Variants in CLSTN2 observed in about 807,000 individuals in gnomAD.
CLSTN2 encodes calsyntenin 2.
CLSTN2 carries 48 observed loss-of-function variants against 101.2 expected under a neutral mutation model. That is an observed-to-expected ratio of 0.47 (90% CI 0.38 to 0.60). The LOEUF (loss-of-function observed/expected upper bound fraction) is 0.60. CLSTN2 is among the 20% of genes least tolerant of loss of function. CLSTN2 has a pLI of 0.00. For missense variants in CLSTN2, 1,160 were observed against 1,238.2 expected (o/e 0.94, Z 0.95); for synonymous variants, 481 against 463.6 (o/e 1.04, Z -0.48).
intron 2 of CLSTN2, among the ~76,000 whole-genome samples, chr3:140,230,902 C>T (rs2086365793): frequency 6.6e-6 from 1 of 152,144 alleles, no homozygotes; most frequent in South Asian, 2.1e-4. Flanking sequence ...TCTTGGATAA[C>T]ACTGTAAGGG....
In CLSTN2 at chr3:140,558,816, C is replaced by T; in HGVS notation, c.2000C>T (p.Thr667Ile). 1 of 1,614,008 alleles carries T rather than the reference C, an allele frequency of 6.2e-7. No individual in the cohort carries two copies. The highest frequency in any genetic ancestry group is 8.5e-7 in the Non-Finnish European group (1 of 1,180,018). The change falls in exon 12 of 17, where the codon ACC (threonine) becomes ATC (isoleucine). Residue 667 changes from threonine to isoleucine, a missense_variant. By Grantham distance (89) the Thr-to-Ile change is moderately conservative. Coordinates refer to ENST00000458420, the MANE Select transcript of CLSTN2 (RefSeq NM_022131.3). ...TTCCCTGATATCAAGATTGTGAGCA[C>T]CTTCGCCAAAACCGAAGCCCCCGGG... ...TLFPDIKIVSTFAKTEAPGDV... is the reference protein window; with the variant it reads ...TLFPDIKIVSIFAKTEAPGDV...
chr3:139,953,171 G>A (rs1187628237), intron 1 of CLSTN2, among the ~76,000 whole-genome samples: 1 of 152,076 alleles, frequency 6.6e-6, no homozygotes, highest in Non-Finnish European at 1.5e-5. Flanking sequence ...CCTTTCATCA[G>A]GCTCAATAAG....
Position 140,134,354 on chromosome 3 carries a change from C to T in CLSTN2, c.110-41597C>T, listed in dbSNP as rs531182596. ...GCTGCCAGAGTCTGTCTATCCCTTG[C>T]TTGTCTGATTCTCTGCTCTCCAGGT... is the stretch of plus-strand genomic sequence containing the variant. On this transcript the variant is annotated intron_variant, in intron 1 of 16. Coordinates refer to ENST00000458420, the MANE Select transcript of CLSTN2 (RefSeq NM_022131.3). Among the ~76,000 whole-genome samples, 3 of 152,284 alleles carry T rather than the reference C, an allele frequency of 2.0e-5. No individual in the cohort carries two copies. In the South Asian group the frequency reaches 6.2e-4, roughly 32 times the overall value.
chr3:140,443,339 C>T (rs777542539), intron 5 of CLSTN2, among the ~76,000 whole-genome samples: 5 of 152,232 alleles, frequency 3.3e-5, no homozygotes, highest in South Asian at 4.1e-4. Context: ...ATTACAACAG[C>T]GCCAAAGCCT....
chr3:139,936,862 A>G (rs923804768), intron 1 of CLSTN2, among the ~76,000 whole-genome samples: 2 of 151,292 alleles, frequency 1.3e-5, no homozygotes, highest in African/African-American at 4.9e-5. Flanking sequence ...TCTTTTCAGC[A>G]TTTTTTTTCT....
At chr3:139,999,249 GCTCCCTCC>G (rs769208093) in intron 1 of CLSTN2, among the ~76,000 whole-genome samples, 1 of 152,128 alleles carries the variant, frequency 6.6e-6, no homozygotes, top group Admixed American at 6.6e-5. Context: ...GTGTGATGTT[GCTCCCTCC>G]CTCCCTCCCT....
At chr3:140,351,747 G>T (rs973766154) in intron 2 of CLSTN2, among the ~76,000 whole-genome samples, 3 of 152,038 alleles carry the variant, frequency 2.0e-5, no homozygotes, top group Non-Finnish European at 4.4e-5. Context: ...TAGCCTTAAA[G>T]GGTCATATAA....
intron 2 of CLSTN2, among the ~76,000 whole-genome samples, chr3:140,222,808 T>C (rs1049995687): frequency 1.3e-5 from 2 of 151,536 alleles, no homozygotes; most frequent in East Asian, 3.9e-4. Flanking sequence ...TATCAAAATA[T>C]GTCATGTGAC....
intron 1 of CLSTN2, among the ~76,000 whole-genome samples, chr3:140,148,228 G>T (rs1292997113): frequency 2.6e-5 from 4 of 152,114 alleles, no homozygotes; most frequent in African/African-American, 9.7e-5. Flanking sequence ...TGGAGGCTGG[G>T]TGAGGAAGGT....
chr3:140,154,323 T>G (rs571936528), intron 1 of CLSTN2, among the ~76,000 whole-genome samples: 25 of 152,006 alleles, frequency 1.6e-4, no homozygotes, highest in African/African-American at 5.5e-4. Context: ...GGCCTGAGCT[T>G]GGTGAATTTG....
chr3:140,360,547 T>A (rs1221980063), intron 2 of CLSTN2, among the ~76,000 whole-genome samples: 1 of 152,112 alleles, frequency 6.6e-6, no homozygotes, highest in Non-Finnish European at 1.5e-5. Context: ...CACTAAGTAA[T>A]GAGAACGTGC....
chr3:140,376,120 T>C (rs1179663801), intron 2 of CLSTN2, among the ~76,000 whole-genome samples: 1 of 152,242 alleles, frequency 6.6e-6, no homozygotes, highest in Non-Finnish European at 1.5e-5. Context: ...TGAGGTCTGC[T>C]TTTCCAAGCC....
chr3:140,562,956 G>C lies in CLSTN2; in HGVS notation c.2358G>C (p.Glu786Asp). ...ACACTAGCAATGAGTTCAACTTGGA[G>C]GTGAGTGGGTCCTGCCATTGTTAGG... is the stretch of plus-strand genomic sequence containing the variant. ...GRYTSNEFNL[E>D]VSILHEDQVS... The change falls in exon 14 of 17, where the codon GAG becomes GAC. Residue 786 changes from glutamate (E) to aspartate (D), a missense_variant and splice_region_variant. Glu to Asp is a conservative substitution (Grantham distance 45). Transcript: ENST00000458420. 1 of 1,614,064 alleles carries C rather than the reference G, an allele frequency of 6.2e-7. No homozygotes were observed. Among genetic ancestry groups the C allele is most frequent in the African/African-American group, 1.3e-5 (1 of 75,036 alleles).
At chr3:139,937,636 C>T (rs984771021) in intron 1 of CLSTN2, among the ~76,000 whole-genome samples, 2 of 151,468 alleles carry the variant, frequency 1.3e-5, no homozygotes, top group African/African-American at 4.9e-5. Context: ...CCCAGCTACT[C>T]GGGAGGCTGA....
Position 140,568,165 on chromosome 3 carries a change from G to T in CLSTN2, c.*1912G>T, listed in dbSNP as rs902277773. The T allele has an allele frequency of 2.0e-5, 3 of 152,224 alleles. No individual in the cohort carries two copies. The highest frequency in any genetic ancestry group is 7.2e-5 in the African/African-American group (3 of 41,436). The allele number at this position is 152,224 out of a possible 1,614,324, so 9.4% of individuals were successfully genotyped here. A position where few individuals can be genotyped will look rare whatever the true frequency, so the allele number is the denominator to read the frequency against. ...TGCAGGATTCTACTTATGTTCATAG[G>T]TATGCACCTAACAGACACTGCTGCA... On this transcript the variant is annotated 3_prime_UTR_variant, in exon 17 of 17. Coordinates refer to ENST00000458420, the MANE Select transcript of CLSTN2 (RefSeq NM_022131.3).
At chr3:140,447,816 G>A (rs761244811) in intron 5 of CLSTN2, among the ~76,000 whole-genome samples, 6 of 152,180 alleles carry the variant, frequency 3.9e-5, no homozygotes, top group Non-Finnish European at 5.9e-5. Context: ...AGAAAAAAAG[G>A]AGAAAGAGAA....
intron 2 of CLSTN2, among the ~76,000 whole-genome samples, chr3:140,290,856 T>G (rs149526690): frequency 1.3e-5 from 2 of 152,318 alleles, no homozygotes; most frequent in East Asian, 3.9e-4. Context: ...CTTCCTTTAG[T>G]GGAAGCAATG....
chr3:140,162,025 C>T (rs755540304), intron 1 of CLSTN2, among the ~76,000 whole-genome samples: 21 of 152,182 alleles, frequency 1.4e-4, no homozygotes, highest in Admixed American at 6.5e-4. Flanking sequence ...TTTTAAAAAA[C>T]AGTGGGAAGA....
intron 6 of CLSTN2, among the ~76,000 whole-genome samples, chr3:140,456,088 A>G (rs535530769): frequency 6.6e-6 from 1 of 152,242 alleles, no homozygotes; most frequent in Non-Finnish European, 1.5e-5. Flanking sequence ...CCTGAACACT[A>G]CTGTGTGGTA....
Sources: gnomAD v4.1 joint callset for allele counts (sites outside exome capture counted in the v4.1 genomes callset) on GRCh38, gnomAD v4.1.1 for gene constraint, MANE v1.5 for transcripts, NCBI Gene and HGNC (gene_info 2026-07-23, HGNC 2026-07-21) for gene names.